The following ZNF385D variants were observed in gnomAD, a reference collection of about 807,000 sequenced individuals.
ZNF385D encodes zinc finger protein 659.
Under a neutral mutation model 35.8 loss-of-function variants are expected in ZNF385D, and 15 were observed. The ratio of observed to expected loss-of-function variants is 0.42; its 90% confidence interval spans 0.28 to 0.64. ZNF385D has a LOEUF of 0.64. Ranked by LOEUF, ZNF385D falls within the 30% of genes least tolerant of loss-of-function variation. ZNF385D has a pLI of 0.23. For missense variants in ZNF385D, 474 were observed against 494.6 expected (o/e 0.96, Z 0.39); for synonymous variants, 212 against 186.8 (o/e 1.13, Z -1.10).
chr3:21,883,837 T>C (rs1698402040), intron 3 of ZNF385D, among the ~76,000 whole-genome samples: 1 of 152,076 alleles, frequency 6.6e-6, no homozygotes, highest in South Asian at 2.1e-4. Flanking sequence ...GCAGCTAATG[T>C]AGACTGAACT....
intron 3 of ZNF385D, among the ~76,000 whole-genome samples, chr3:22,067,798 C>T (rs942357773): frequency 6.6e-6 from 1 of 152,148 alleles, no homozygotes; most frequent in Admixed American, 6.6e-5. Context: ...CTGAGGTGGG[C>T]GGATCATGAG....
chr3:21,491,323 G>A (rs1013816047), intron 4 of ZNF385D, among the ~76,000 whole-genome samples: 1 of 151,888 alleles, frequency 6.6e-6, no homozygotes, highest in African/African-American at 2.4e-5. Flanking sequence ...TCATAGGGAG[G>A]ATGATCAATA....
chr3:21,783,056 G>C (rs1012097758), intron 3 of ZNF385D, among the ~76,000 whole-genome samples: 1 of 152,084 alleles, frequency 6.6e-6, no homozygotes, highest in Non-Finnish European at 1.5e-5. Flanking sequence ...AGATCTTCAC[G>C]ATTGGTAACT....
At chr3:21,562,043 T>A (rs758220449) in intron 3 of ZNF385D, 3 of 125,148 alleles carry the variant, frequency 2.4e-5, no homozygotes, top group Middle Eastern at 3.8e-3. Context: ...AAGTGATTAG[T>A]CCATATCTCC....
chr3:21,730,317 G>A (rs1216270280), intron 1 of ZNF385D, among the ~76,000 whole-genome samples: 3 of 152,194 alleles, frequency 2.0e-5, no homozygotes, highest in Non-Finnish European at 2.9e-5. Flanking sequence ...TCCCCAAAGG[G>A]GAAAAGACGA....
At chr3:21,999,782 A>AAAAT (rs1553716653) in intron 3 of ZNF385D, among the ~76,000 whole-genome samples, 8 of 149,230 alleles carry the variant, frequency 5.4e-5, no homozygotes, top group African/African-American at 2.0e-4. Flanking sequence ...AAAAAAAAAA[A>AAAAT]AATAATAATA....
At chr3:21,460,362 G>A (rs1031200542) in intron 4 of ZNF385D, among the ~76,000 whole-genome samples, 1 of 152,188 alleles carries the variant, frequency 6.6e-6, no homozygotes, top group East Asian at 1.9e-4. Context: ...ACACCAGATC[G>A]TGTCAAAAAT....
chr3:22,094,516 G>A (rs1037705508), intron 3 of ZNF385D, among the ~76,000 whole-genome samples: 1 of 151,224 alleles, frequency 6.6e-6, no homozygotes, highest in Admixed American at 6.6e-5. Flanking sequence ...AAAGAAAGGT[G>A]GCAATCAGAG....
intron 3 of ZNF385D, among the ~76,000 whole-genome samples, chr3:21,564,066 T>C (rs1014361759): frequency 6.6e-6 from 1 of 152,136 alleles, no homozygotes; most frequent in African/African-American, 2.4e-5. Flanking sequence ...GTAGGACCCC[T>C]GTTAAAATAC....
At chr3:21,631,199 G>GT (rs1575358300) in intron 2 of ZNF385D, among the ~76,000 whole-genome samples, 2 of 152,228 alleles carry the variant, frequency 1.3e-5, no homozygotes, top group East Asian at 3.9e-4. Flanking sequence ...CTGCACTTCA[G>GT]TGGACGGTTG....
At chr3:21,703,353 CT>C (rs1474308533) in intron 1 of ZNF385D, among the ~76,000 whole-genome samples, 1 of 152,114 alleles carries the variant, frequency 6.6e-6, no homozygotes, top group East Asian at 1.9e-4. Flanking sequence ...TTACCTCCCC[CT>C]GGGTCCCTCC....
chr3:21,942,235 G>A (rs560292417), intron 3 of ZNF385D, among the ~76,000 whole-genome samples: 4 of 152,218 alleles, frequency 2.6e-5, no homozygotes, highest in African/African-American at 9.6e-5. Context: ...CACGTAGTTT[G>A]TTTTTAAAAT....
At chr3:21,700,590 T>C (rs946705246) in intron 1 of ZNF385D, among the ~76,000 whole-genome samples, 4 of 152,346 alleles carry the variant, frequency 2.6e-5, no homozygotes, top group African/African-American at 9.6e-5. Context: ...TGACAAGTTT[T>C]GTGACCTTGT....
chr3:21,820,682 G>A (rs537422271), intron 3 of ZNF385D, among the ~76,000 whole-genome samples: 134 of 150,850 alleles, frequency 8.9e-4, no homozygotes, highest in African/African-American at 3.0e-3. Context: ...AAAATTTCTC[G>A]AAAGAAAAAT....
chr3:21,973,564 G>C (rs181363408), intron 3 of ZNF385D, among the ~76,000 whole-genome samples: 1 of 151,934 alleles, frequency 6.6e-6, no homozygotes, highest in African/African-American at 2.4e-5. Flanking sequence ...GGAAGTACTA[G>C]CTAGACCAAT....
chr3:21,724,654 C>T (rs371153085), intron 1 of ZNF385D, among the ~76,000 whole-genome samples: 25 of 151,808 alleles, frequency 1.6e-4, no homozygotes, highest in African/African-American at 5.1e-4. Flanking sequence ...ATATACGCAC[C>T]CAGGACAGGA....
Position 21,626,515 on chromosome 3 carries a change from C to G in ZNF385D, c.165+38371G>C, listed in dbSNP as rs187943179. 2.5e-4 allele frequency among the ~76,000 whole-genome samples: 38 copies of G among 152,156 alleles called. 1 individual carries two copies. Among genetic ancestry groups the G allele is most frequent in the Admixed American group, 2.2e-3 (33 of 15,252 alleles). ...TTCCTTTTGCTCCTTGTGGGATGTT[C>G]CTGTCTGATTTCAGGTAGAGATCCC... On this transcript the variant is annotated intron_variant, in intron 2 of 7. Transcript: ENST00000281523.
At chr3:21,703,009 A>T (rs2067750196) in intron 1 of ZNF385D, among the ~76,000 whole-genome samples, 1 of 152,146 alleles carries the variant, frequency 6.6e-6, no homozygotes, top group African/African-American at 2.4e-5. Context: ...TCTGCCTGTT[A>T]CCCAGTTCCA....
chr3:22,192,377 A>G (rs1040713598), intron 2 of ZNF385D, among the ~76,000 whole-genome samples: 2 of 152,142 alleles, frequency 1.3e-5, no homozygotes, highest in Non-Finnish European at 2.9e-5. Flanking sequence ...ACTGAACCTC[A>G]CCTCTTGGTA....
Sources: gnomAD v4.1 joint callset for allele counts (sites outside exome capture counted in the v4.1 genomes callset) on GRCh38, gnomAD v4.1.1 for gene constraint, MANE v1.5 for transcripts, NCBI Gene and HGNC (gene_info 2026-07-23, HGNC 2026-07-21) for gene names.